Variants in NCOR1 observed in about 807,000 individuals in gnomAD.
NCOR1 encodes the protein protein phosphatase 1, regulatory subunit 109.
NCOR1 carries 63 observed loss-of-function variants against 288.1 expected under a neutral mutation model. The ratio of observed to expected loss-of-function variants is 0.22; its 90% CI spans 0.18 to 0.27. The LOEUF is 0.27. Among genes scored for constraint, NCOR1 ranks in the 10% least tolerant of loss-of-function variants. NCOR1 has a pLI of 1.00. For missense variants in NCOR1, 2,397 were observed against 3,019.2 expected, an observed-to-expected ratio of 0.79 and a Z score of 4.83; for synonymous variants, 1,007 against 1,065.9, an observed-to-expected ratio of 0.94 and a Z score of 1.08.
At chr17:16,052,766 A>G (rs778798341) in intron 40 of NCOR1, among the ~76,000 whole-genome samples, 1 of 152,216 alleles carries the variant, frequency 6.6e-6, no homozygotes, top group Non-Finnish European at 1.5e-5. Flanking sequence ...CATCATCCTG[A>G]TACCAAAACT....
intron 14 of NCOR1, among the ~76,000 whole-genome samples, chr17:16,127,627 ACAT>A (rs1384569510): frequency 6.8e-6 from 1 of 146,782 alleles, no homozygotes; most frequent in Non-Finnish European, 1.5e-5. Context: ...GTGTATATAT[ACAT>A]ATATGTATAT....
At position 16,097,339 on chromosome 17, in the gene NCOR1, T is replaced by G. The variant is rs191977605; in HGVS notation, c.2820+1028A>C. Among the ~76,000 whole-genome samples the G allele has an allele frequency of 2.6e-4, 39 of 152,254 alleles. 1 individual carries two copies. In the East Asian group the frequency reaches 7.3e-3, roughly 29 times the overall value. On this transcript the variant is annotated intron_variant, in intron 21 of 45. Coordinates refer to ENST00000268712, the MANE Select transcript of NCOR1 (RefSeq NM_006311.4). Reference sequence around the variant, plus strand: ...CTCTTGCCTCAGCCTCCCAAATAGCTGGGAATACAGGGCTGGGAGTACTGT... The same window carrying G: ...CTCTTGCCTCAGCCTCCCAAATAGCGGGGAATACAGGGCTGGGAGTACTGT...
intron 15 of NCOR1, among the ~76,000 whole-genome samples, chr17:16,125,827 G>A (rs554462604): frequency 4.6e-5 from 7 of 152,006 alleles, no homozygotes; most frequent in African/African-American, 1.4e-4. Flanking sequence ...ATAAGTGGGA[G>A]CTAAATAATG....
At chr17:16,060,658 G>A (rs543343012) in intron 37 of NCOR1, among the ~76,000 whole-genome samples, 3 of 152,198 alleles carry the variant, frequency 2.0e-5, no homozygotes, top group East Asian at 1.9e-4. Flanking sequence ...TCTGGAGCAT[G>A]AGAAATCATT....
intron 44 of NCOR1, 44 bp from the exon 45 acceptor site, chr17:16,034,988 C>A: frequency 1.3e-6 from 2 of 1,551,284 alleles, no homozygotes; most frequent in South Asian, 1.2e-5. Flanking sequence ...ATTAAGTTCT[C>A]AAAAATTACC....
chr17:16,138,876 T>G (rs1174277001), intron 12 of NCOR1, 132 bp downstream of exon 12: 2 of 613,760 alleles, frequency 3.3e-6, no homozygotes, highest in African/African-American at 3.7e-5. Context: ...TCTCTACTTT[T>G]CACAGTATTG....
chr17:16,156,442 A>AAAAAG (rs1239292325), intron 6 of NCOR1, among the ~76,000 whole-genome samples: 1 of 148,198 alleles, frequency 6.7e-6, no homozygotes, highest in Non-Finnish European at 1.5e-5. Context: ...TCTCGAAAAA[A>AAAAAG]AAAAGAAAAG....
chr17:16,101,688 A>C lies in NCOR1; in HGVS notation c.2252T>G (p.Val751Gly), dbSNP rs1598623730. 3.7e-6 allele frequency: 6 copies of C among 1,614,214 alleles called. No homozygotes were observed. Among genetic ancestry groups the C allele is most frequent in the Non-Finnish European group, 4.2e-6 (5 of 1,180,038 alleles). Residue 751 changes from valine to glycine, a missense_variant, in exon 20 of 46, where the codon GTT becomes GGT. This residue lies in a region of NCOR1 where 1,872 missense variants were observed against 2,187.8 expected (regional missense o/e 0.86). Coordinates refer to ENST00000268712, the MANE Select transcript of NCOR1 (RefSeq NM_006311.4). ...ATSRGNTEPA[V>G]ELEPTTETAP... is the part of the protein sequence containing the mutation. The stretch of plus-strand genomic sequence containing the variant: ...AGTTTCCGTGGTGGGCTCAAGCTCA[A>C]CCGCAGGTTCTGTGTTTCCTCGAGA...
intron 4 of NCOR1, 34 bp downstream of exon 4, chr17:16,171,769 T>C: frequency 8.1e-6 from 12 of 1,484,122 alleles, no homozygotes; most frequent in South Asian, 1.4e-5. Context: ...ATTACAAACC[T>C]ACAACTCTAC....
At chr17:16,202,271 C>T (rs554775939) in intron 1 of NCOR1, among the ~76,000 whole-genome samples, 29 of 149,380 alleles carry the variant, frequency 1.9e-4, no homozygotes, top group African/African-American at 6.9e-4. Flanking sequence ...CGTGGTGGTG[C>T]GCACCTGTAA....
rs969737989 is a variant in NCOR1 at position 16,064,132 on chromosome 17, C to T, written c.5157G>A (p.Glu1719=). ...AASAERERER[E]REKERERERI... is the part of the protein sequence containing the mutation. The stretch of plus-strand genomic sequence containing the variant: ...GTTCCCGCTCCCGCTCCTTCTCCCG[C>T]TCCCGTTCCCGTTCCCTCTCAGCAC... Residue 1719 remains glutamate (E), a synonymous_variant, in exon 35 of 46, where the codon GAG becomes GAA. Transcript: ENST00000268712. The T allele has an allele frequency of 1.4e-5, 23 of 1,613,986 alleles. No individual in the cohort carries two copies. In the African/African-American group the frequency reaches 2.5e-4, roughly 18 times the overall value.
intron 14 of NCOR1, among the ~76,000 whole-genome samples, chr17:16,127,759 A>C (rs529318372): frequency 0.024 from 3,222 of 134,302 alleles, 140 homozygotes; most frequent in Non-Finnish European, 0.032. Context: ...ATATATATAT[A>C]TCTCTCATAG....
At chr17:16,146,839 T>G (rs756426267) in intron 9 of NCOR1, among the ~76,000 whole-genome samples, 2 of 152,168 alleles carry the variant, frequency 1.3e-5, no homozygotes, top group African/African-American at 4.8e-5. Context: ...GTTACTTTTA[T>G]TTTGCTTAAA....
chr17:16,090,014 A>G (rs1303028424), intron 22 of NCOR1, among the ~76,000 whole-genome samples: 4 of 152,126 alleles, frequency 2.6e-5, no homozygotes, highest in African/African-American at 9.7e-5. Context: ...AAGATGACTG[A>G]ATTATGATTA....
At chr17:16,072,763 T>A (rs2061912228) in intron 28 of NCOR1, among the ~76,000 whole-genome samples, 1 of 152,132 alleles carries the variant, frequency 6.6e-6, no homozygotes, top group African/African-American at 2.4e-5. Flanking sequence ...TAGAGAAAAA[T>A]ACAGCTCTTA....
Position 16,030,137 on chromosome 17 carries a change from ATAAAG to A in NCOR1, c.*2154_*2158del, listed in dbSNP as rs1314660967. On this transcript the variant is annotated 3_prime_UTR_variant, in exon 46 of 46. Coordinates refer to ENST00000268712, the MANE Select transcript of NCOR1 (RefSeq NM_006311.4). Reference sequence around the variant, plus strand: ...ATGTATTATATACTGTATTCTTACAATAAAGTAAGCTAGAGAAGAGAAAATGTTTG... The same window carrying A: ...ATGTATTATATACTGTATTCTTACAATAAGCTAGAGAAGAGAAAATGTTTG... The A allele has an allele frequency of 5.3e-6, 1 of 188,772 alleles. No homozygotes were observed. The highest frequency in any genetic ancestry group is 1.1e-5 in the Non-Finnish European group (1 of 90,052). The allele number at this position is 188,772 out of a possible 1,614,324, so 11.7% of individuals were successfully genotyped here. A position where few individuals can be genotyped will look rare whatever the true frequency, so the allele number is the denominator to read the frequency against.
chr17:16,056,285 C>T (rs1440387330), intron 40 of NCOR1, among the ~76,000 whole-genome samples: 2 of 137,898 alleles, frequency 1.5e-5, no homozygotes. Flanking sequence ...ATATCTCAGT[C>T]TTGTTCTCAG....
chr17:16,155,595 T>A (rs1344209666), intron 6 of NCOR1, among the ~76,000 whole-genome samples: 1 of 152,194 alleles, frequency 6.6e-6, no homozygotes, highest in Non-Finnish European at 1.5e-5. Flanking sequence ...GCAAGTCAAC[T>A]TTTCTCAGGA....
At chr17:16,095,916 C>T (rs1010172072) in intron 21 of NCOR1, among the ~76,000 whole-genome samples, 1 of 152,066 alleles carries the variant, frequency 6.6e-6, no homozygotes, top group East Asian at 1.9e-4. Flanking sequence ...ATTGAGAAAT[C>T]GGATGGTTGC....
Sources: allele counts gnomAD v4.1 joint callset (sites outside exome capture counted in the v4.1 genomes callset), GRCh38; gene constraint gnomAD v4.1.1; regional missense constraint gnomAD v4.1.1; transcripts MANE v1.5; gene names NCBI Gene and HGNC (gene_info 2026-07-23, HGNC 2026-07-21).